NCAM1: variants seen among roughly 807,000 people sequenced by gnomAD.
NCAM1 encodes the protein antigen recognized by monoclonal antibody 5.1H11.
Under a neutral mutation model 109.8 loss-of-function variants are expected in NCAM1, and 14 were observed. That is an observed-to-expected ratio of 0.13 (90% CI 0.08 to 0.20). NCAM1 has a LOEUF of 0.20. Among genes scored for constraint, NCAM1 ranks in the 10% least tolerant of loss-of-function variants. NCAM1 has a pLI of 1.00. For synonymous variants in NCAM1, 418 were observed against 442.9 expected (o/e 0.94, Z 0.70); for missense variants, 774 against 1,109.9 (o/e 0.70, Z 4.30).
chr11:113,002,766 G>A (rs1555072662), intron 1 of NCAM1, among the ~76,000 whole-genome samples: 1 of 152,140 alleles, frequency 6.6e-6, no homozygotes, highest in African/African-American at 2.4e-5. Context: ...GACACCTTGA[G>A]GACTCCTGCA....
At chr11:112,988,003 T>C (rs1320684298) in intron 1 of NCAM1, among the ~76,000 whole-genome samples, 1 of 152,184 alleles carries the variant, frequency 6.6e-6, no homozygotes, top group Non-Finnish European at 1.5e-5. Context: ...TGATATTTTT[T>C]CTAGTGGCAT....
At chr11:113,084,128 C>A (rs1431792478) in intron 1 of NCAM1, among the ~76,000 whole-genome samples, 2 of 152,094 alleles carry the variant, frequency 1.3e-5, no homozygotes, top group African/African-American at 4.8e-5. Context: ...CTGTCTCAAT[C>A]CCACATTGCT....
intron 1 of NCAM1, among the ~76,000 whole-genome samples, chr11:113,087,492 A>G (rs1240366170): frequency 1.3e-5 from 2 of 152,216 alleles, no homozygotes; most frequent in African/African-American, 4.8e-5. Flanking sequence ...CATAGTTGCT[A>G]CAGATCTTCA....
chr11:113,271,099 G>A (rs975882308), intron 18 of NCAM1, among the ~76,000 whole-genome samples: 8 of 152,112 alleles, frequency 5.3e-5, no homozygotes, highest in African/African-American at 1.9e-4. Context: ...ATGTATAGGG[G>A]TGACTCACGC....
chr11:113,222,493 A>G (rs143137888), intron 9 of NCAM1, among the ~76,000 whole-genome samples: 3 of 152,304 alleles, frequency 2.0e-5, no homozygotes, highest in East Asian at 1.9e-4. Context: ...TGTCATTGGG[A>G]TGACTGTTAA....
chr11:113,276,059 CTTTT>C lies in NCAM1; in HGVS notation c.*673_*676del, dbSNP rs1555126556. 1.3e-5 allele frequency: 2 copies of C among 152,434 alleles called. No homozygotes were observed. Among genetic ancestry groups the C allele is most frequent in the African/African-American group, 4.8e-5 (2 of 41,388 alleles). The allele number at this position is 152,434 out of a possible 1,614,324, so 9.4% of individuals were successfully genotyped here. ...GCAGTATTCAGACTTCTTTTTCTTT[CTTTT>C]ACATTCTTTTTTCTTTCTTTCTTTC... On this transcript the variant is annotated 3_prime_UTR_variant, in exon 20 of 20. Coordinates refer to ENST00000316851, the MANE Select transcript of NCAM1 (RefSeq NM_181351.5).
chr11:113,014,281 T>C (rs1450938727), intron 1 of NCAM1, among the ~76,000 whole-genome samples: 1 of 152,138 alleles, frequency 6.6e-6, no homozygotes, highest in Non-Finnish European at 1.5e-5. Context: ...GAAAAAGAGA[T>C]ATCCTAGCTC....
intron 1 of NCAM1, among the ~76,000 whole-genome samples, chr11:113,199,829 T>TGAAAAAAAAAAAAAAAAAAAAAAA (rs60389510): frequency 1.7e-5 from 2 of 115,766 alleles, no homozygotes; most frequent in African/African-American, 3.4e-5. Flanking sequence ...GAAACACCCT[T>TGAAAAAAAAAAAAAAAAAAAAAAA]AAAAAAAAAA....
At chr11:113,239,662 A>G (rs541149679) in intron 14 of NCAM1, among the ~76,000 whole-genome samples, 1 of 152,154 alleles carries the variant, frequency 6.6e-6, no homozygotes, top group Admixed American at 6.5e-5. Flanking sequence ...TTTTGTTTTC[A>G]TATGTTGTCC....
chr11:113,251,641 TC>T (rs1179032260), intron 15 of NCAM1, among the ~76,000 whole-genome samples: 1 of 152,222 alleles, frequency 6.6e-6, no homozygotes. Context: ...AACATTTGAC[TC>T]ATGGCTAAAG....
At chr11:113,035,015 T>C (rs1952827543) in intron 1 of NCAM1, among the ~76,000 whole-genome samples, 1 of 152,178 alleles carries the variant, frequency 6.6e-6, no homozygotes, top group Non-Finnish European at 1.5e-5. Flanking sequence ...GGCAATATAA[T>C]AATACAACAT....
intron 1 of NCAM1, among the ~76,000 whole-genome samples, chr11:113,191,697 A>C (rs1368336881): frequency 6.6e-6 from 1 of 152,138 alleles, no homozygotes; most frequent in African/African-American, 2.4e-5. Flanking sequence ...CAGAAGATAG[A>C]TAGAGATAGA....
chr11:113,021,491 A>G (rs535179790), intron 1 of NCAM1, among the ~76,000 whole-genome samples: 6 of 152,364 alleles, frequency 3.9e-5, no homozygotes, highest in African/African-American at 1.4e-4. Flanking sequence ...AATGGTCTTA[A>G]GAGACAAACT....
rs958368794 is a variant in NCAM1 at position 113,199,834 on chromosome 11, A to G, written c.53-2545A>G. Among the ~76,000 whole-genome samples, 19 of 150,562 alleles carry G rather than the reference A, an allele frequency of 1.3e-4. 1 individual carries two copies. Among genetic ancestry groups the G allele is most frequent in the African/African-American group, 4.4e-4 (18 of 40,648 alleles). On this transcript the variant is annotated intron_variant, in intron 1 of 19. Transcript: ENST00000316851. ...TAAAGTAAAAGAAACACCCTTAAAA[A>G]AAAAAAAAAAAAAAACTTCTGTGAT...
Position 113,014,673 on chromosome 11 carries a change from C to T in NCAM1, c.52+53009C>T, listed in dbSNP as rs923883632. Among the ~76,000 whole-genome samples, 2 of 152,106 alleles carry T rather than the reference C, an allele frequency of 1.3e-5. 1 individual carries two copies. The highest frequency in any genetic ancestry group is 4.1e-4 in the South Asian group (2 of 4,830). On this transcript the variant is annotated intron_variant, in intron 1 of 19. Transcript: ENST00000316851. ...TCTACCTTACTATAAGATGTTTTGA[C>T]GGATAAGTTATAGTAGTAAAAGGCT...
At chr11:113,270,519 A>G (rs1946243358) in intron 18 of NCAM1, 124 bp downstream of exon 18, 2 of 880,206 alleles carry the variant, frequency 2.3e-6, no homozygotes, top group African/African-American at 1.7e-5. Context: ...TCCATTTGGA[A>G]CCCTGATGGG....
chr11:113,041,396 G>C (rs926186012), intron 1 of NCAM1, among the ~76,000 whole-genome samples: 7 of 151,990 alleles, frequency 4.6e-5, no homozygotes, highest in Non-Finnish European at 1.0e-4. Context: ...GAAGCCAGGA[G>C]AGTAACTATA....
intron 1 of NCAM1, among the ~76,000 whole-genome samples, chr11:113,072,003 G>A (rs782329831): frequency 5.3e-5 from 8 of 152,094 alleles, no homozygotes; most frequent in Non-Finnish European, 7.4e-5. Context: ...AAATTAGCCA[G>A]GTATGGTGGT....
At chr11:113,175,898 A>T (rs992910429) in intron 1 of NCAM1, among the ~76,000 whole-genome samples, 5 of 152,246 alleles carry the variant, frequency 3.3e-5, no homozygotes, top group Non-Finnish European at 1.5e-5. Flanking sequence ...AGTTGATGAG[A>T]GGGTAGAAGA....
Sources: gnomAD v4.1 joint callset for allele counts (sites outside exome capture counted in the v4.1 genomes callset) on GRCh38, gnomAD v4.1.1 for gene constraint, MANE v1.5 for transcripts, NCBI Gene and HGNC (gene_info 2026-07-23, HGNC 2026-07-21) for gene names.